The following ASMTL variants were observed in gnomAD, a reference collection of about 807,000 sequenced individuals.
ASMTL encodes acetylserotonin O-methyltransferase like.
A neutral mutation model predicts 60.3 loss-of-function variants in ASMTL; 57 were observed. That is an observed-to-expected ratio of 0.95 (90% CI 0.76 to 1.18). The LOEUF is 1.18. ASMTL is among the 50% of genes most tolerant of loss of function. The pLI is 0.00. For synonymous variants in ASMTL, 419 were observed against 373.0 expected (o/e 1.12, Z -1.42); for missense variants, 981 against 852.6 (o/e 1.15, Z -1.88).
At chrX:1,417,409 GAC>G (rs754548726) in intron 11 of ASMTL, among the ~76,000 whole-genome samples, 203 of 19,364 alleles carry the variant, frequency 0.01, no homozygotes, top group African/African-American at 0.012. Context: ...CAGACACGTG[GAC>G]ACACAGTCTC....
intron 6 of ASMTL, among the ~76,000 whole-genome samples, chrX:1,430,093 C>T (rs1479737835): frequency 3.3e-5 from 5 of 151,880 alleles, no homozygotes; most frequent in Admixed American, 6.6e-5. Context: ...CGGCTCACTG[C>T]AACCTCCACC....
At chrX:1,418,773 C>T (rs1379868942) in intron 10 of ASMTL, among the ~76,000 whole-genome samples, 10 of 152,056 alleles carry the variant, frequency 6.6e-5, no homozygotes, top group Non-Finnish European at 1.5e-4. Context: ...GAGAGGGCCC[C>T]GGAGTTTCTA....
At chrX:1,413,059 G>C in intron 11 of ASMTL, 1 of 607,072 alleles carries the variant, frequency 1.6e-6, no homozygotes, top group South Asian at 2.0e-5. Context: ...ACGCCCGTGC[G>C]GTTTGACTCG....
intron 8 of ASMTL, among the ~76,000 whole-genome samples, chrX:1,425,228 A>G (rs1467579177): frequency 2.0e-5 from 3 of 152,208 alleles, no homozygotes; most frequent in Non-Finnish European, 2.9e-5. Context: ...AACTAAATCA[A>G]TGTCTGTGTA....
intron 3 of ASMTL, 136 bp from the exon 4 acceptor site, chrX:1,435,894 CAACT>C (rs2090952615): frequency 1.3e-6 from 1 of 763,416 alleles, no homozygotes. Context: ...CCATTTCAAA[CAACT>C]AACCAGAGTT....
intron 3 of ASMTL, among the ~76,000 whole-genome samples, chrX:1,438,721 A>G (rs1246034951): frequency 3.9e-5 from 6 of 152,184 alleles, no homozygotes; most frequent in Non-Finnish European, 5.9e-5. Context: ...ACTATGTGTT[A>G]TAATATTCTC....
rs369438751 is a variant in ASMTL at position 1,433,201 on chromosome X, C to T, written c.401-824G>A. Among the ~76,000 whole-genome samples the T allele has an allele frequency of 4.6e-5, 7 of 152,216 alleles. No homozygotes were observed. The East Asian group carries it at 7.7e-4, about 17-fold the overall frequency. On this transcript the variant is annotated intron_variant, in intron 5 of 12. Coordinates refer to ENST00000381317, the MANE Select transcript of ASMTL (RefSeq NM_004192.4). ...ATCTGTTGAGTGACAGGAGCGAAAG[C>T]AGGCGTTTTGCTATGTGGTGACAAG...
intron 3 of ASMTL, among the ~76,000 whole-genome samples, chrX:1,436,631 G>T (rs1296671748): frequency 1.3e-5 from 2 of 151,144 alleles, no homozygotes; most frequent in South Asian, 2.1e-4. Flanking sequence ...GGATGACAGG[G>T]GTGAGCCACC....
At chrX:1,420,373 C>T (rs1241665171) in intron 9 of ASMTL, among the ~76,000 whole-genome samples, 2 of 146,784 alleles carry the variant, frequency 1.4e-5, no homozygotes, top group Non-Finnish European at 3.0e-5. Context: ...TTCTGTCTGC[C>T]TATCTCTCTC....
intron 11 of ASMTL, among the ~76,000 whole-genome samples, chrX:1,414,915 T>TAC (rs1358861958): frequency 1.3e-4 from 19 of 150,246 alleles, no homozygotes; most frequent in Non-Finnish European, 2.1e-4. Context: ...GGTGCTGAGT[T>TAC]ACAGCACGTC....
At chrX:1,415,755 T>C (rs1386028628) in intron 11 of ASMTL, among the ~76,000 whole-genome samples, 1 of 152,244 alleles carries the variant, frequency 6.6e-6, no homozygotes, top group Non-Finnish European at 1.5e-5. Flanking sequence ...CGTGAGCTAC[T>C]GTGCCCAGCC....
At position 1,403,416 on chromosome X, in the gene ASMTL, T is replaced by C. The variant is rs1203602177; in HGVS notation, c.1719A>G (p.Ser573=). Residue 573 remains serine, a synonymous_variant, in exon 13 of 13, where the codon TCA becomes TCG. Transcript: ENST00000381317. ...KRVAQRALMQ[S]LNMLVQTEGK... is the part of the protein sequence containing the mutation. ...CTTCAGTCTGCACCAGCATGTTCAG[T>C]GACTGCATCAGGGCGCGCTGCGCCA... 18 of 1,613,416 alleles carry C rather than the reference T, an allele frequency of 1.1e-5. No individual in the cohort carries two copies. The highest frequency in any genetic ancestry group is 1.5e-5 in the Non-Finnish European group (18 of 1,179,858).
Position 1,428,446 on chromosome X carries a change from A to G in ASMTL, c.510-325T>C, listed in dbSNP as rs186462142. Among the ~76,000 whole-genome samples, 583 of 151,966 alleles carry G rather than the reference A, an allele frequency of 3.8e-3. 4 individuals carry two copies. Among genetic ancestry groups the G allele is most frequent in the African/African-American group, 0.013 (554 of 41,454 alleles). On this transcript the variant is annotated intron_variant, in intron 6 of 12. Coordinates refer to ENST00000381317, the MANE Select transcript of ASMTL (RefSeq NM_004192.4). ...TACTTGAGGTCAGAAGTTCAAGACC[A>G]GCCTGGCCAACACGGTGAAACCCCA...
intron 11 of ASMTL, among the ~76,000 whole-genome samples, chrX:1,415,471 C>T (rs866624708): frequency 2.0e-5 from 3 of 147,032 alleles, no homozygotes; most frequent in African/African-American, 7.6e-5. Flanking sequence ...TTATCATTGT[C>T]TTTTTTTTTT....
chrX:1,432,480 C>T (rs1223060306), intron 5 of ASMTL, 103 bp from the exon 6 acceptor site: 12 of 826,410 alleles, frequency 1.5e-5, no homozygotes, highest in Admixed American at 4.0e-5. Flanking sequence ...TCGAGCGCAG[C>T]GCACAGTTCA....
chrX:1,419,153 G>A (rs375119091), intron 9 of ASMTL, 39 bp from the exon 10 acceptor site: 39 of 1,604,298 alleles, frequency 2.4e-5, no homozygotes, highest in Non-Finnish European at 3.1e-5. Flanking sequence ...CAGAGAACAC[G>A]GGGCGAGGGC....
chrX:1,452,290 G>GT (rs2091416067), intron 1 of ASMTL, among the ~76,000 whole-genome samples: 1 of 124,424 alleles, frequency 8.0e-6, no homozygotes, highest in East Asian at 2.6e-4. Context: ...CCTAGGGGGG[G>GT]TCTCGGCTTA....
intron 11 of ASMTL, 130 bp from the exon 12 acceptor site, chrX:1,412,984 T>C (rs2090092632): frequency 9.9e-7 from 1 of 1,012,496 alleles, no homozygotes; most frequent in Non-Finnish European, 1.5e-6. Flanking sequence ...CGGGAATGGG[T>C]CTTCCTGAAG....
At chrX:1,412,194 A>G (rs1693537759) in intron 12 of ASMTL, among the ~76,000 whole-genome samples, 1 of 151,704 alleles carries the variant, frequency 6.6e-6, no homozygotes, top group African/African-American at 2.4e-5. Context: ...GGACCTGCCA[A>G]CCTCCAAAGT....
Sources: allele counts gnomAD v4.1 joint callset (sites outside exome capture counted in the v4.1 genomes callset), GRCh38; gene constraint gnomAD v4.1.1; transcripts MANE v1.5; gene names NCBI Gene and HGNC (gene_info 2026-07-23, HGNC 2026-07-21).